VAV2: variants seen among roughly 807,000 people sequenced by gnomAD.
The protein encoded by VAV2 is vav guanine nucleotide exchange factor 2.
VAV2 carries 67 observed loss-of-function variants against 132.5 expected under a neutral mutation model. The observed-to-expected ratio is 0.51, with a 90% CI of 0.42 to 0.62. VAV2 has a LOEUF of 0.62. Ranked by LOEUF, VAV2 falls within the 20% of genes least tolerant of loss-of-function variation. VAV2 has a pLI of 0.00. For synonymous variants in VAV2, 492 were observed against 443.5 expected, an observed-to-expected ratio of 1.11 and a Z score of -1.37; for missense variants, 938 against 1,153.6, an observed-to-expected ratio of 0.81 and a Z score of 2.71.
chr9:133,907,222 T>A (rs561621389), intron 2 of VAV2, among the ~76,000 whole-genome samples: 1 of 152,144 alleles, frequency 6.6e-6, no homozygotes, highest in East Asian at 1.9e-4. Context: ...CTCAAATTCA[T>A]CCTCGCTCCC....
rs901029360 is a variant in VAV2, at chr9:133,919,992, A to G, written c.321+19111T>C. On this transcript the variant is annotated intron_variant, in intron 2 of 29. Coordinates refer to ENST00000371850, the MANE Select transcript of VAV2 (RefSeq NM_001134398.2). The surrounding 1 kb of genome is among the most constrained non-coding windows in gnomAD (Gnocchi z 5.8). ...CAGTCAGCACCTGTTCTCTGCGCTG[A>G]GCCACGTGCCAGGAGGCCAGACAGG... Among the ~76,000 whole-genome samples the G allele has an allele frequency of 2.0e-5, 3 of 152,156 alleles. No homozygotes were observed. The highest frequency in any genetic ancestry group is 6.5e-5 in the Admixed American group (1 of 15,284).
intron 3 of VAV2, among the ~76,000 whole-genome samples, chr9:133,835,692 C>A (rs1028911802): frequency 6.6e-6 from 1 of 152,166 alleles, no homozygotes; most frequent in Admixed American, 6.5e-5. Flanking sequence ...TTTGCTCAGC[C>A]CGAGATCCAG....
chr9:133,833,612 T>C lies in VAV2; in HGVS notation c.449+660A>G, dbSNP rs571202229. On this transcript the variant is annotated intron_variant, in intron 4 of 29. Coordinates refer to ENST00000371850, the MANE Select transcript of VAV2 (RefSeq NM_001134398.2). This position sits in a 1 kb window ranked among gnomAD's most constrained non-coding sequence, Gnocchi z 5.6. The stretch of plus-strand genomic sequence containing the variant: ...ACCTGCAGGTGAGGCCCCTTCCTCC[T>C]ACCCTCCTACCTCCCTCCTCCTGGA... Among the ~76,000 whole-genome samples the C allele has an allele frequency of 4.9e-4, 74 of 152,160 alleles. No individual in the cohort carries two copies. Among genetic ancestry groups the C allele is most frequent in the Non-Finnish European group, 8.8e-5 (6 of 67,956 alleles).
chr9:133,920,542 C>G (rs919649274), intron 2 of VAV2, among the ~76,000 whole-genome samples: 2 of 152,200 alleles, frequency 1.3e-5, no homozygotes, highest in African/African-American at 4.8e-5. Context: ...GCACTGAGGT[C>G]CCTGAGGCCA....
chr9:133,953,535 A>AC (rs1588163199), intron 1 of VAV2, among the ~76,000 whole-genome samples: 1 of 151,674 alleles, frequency 6.6e-6, no homozygotes, highest in African/African-American at 2.4e-5. Flanking sequence ...TGTGGTTTTG[A>AC]CCCCCAGGCT....
At chr9:133,954,656 G>C (rs1312838959) in intron 1 of VAV2, among the ~76,000 whole-genome samples, 1 of 152,218 alleles carries the variant, frequency 6.6e-6, no homozygotes, top group Non-Finnish European at 1.5e-5. Flanking sequence ...GCTCGAGCAG[G>C]GCAAGGTCTG....
intron 1 of VAV2, among the ~76,000 whole-genome samples, chr9:133,955,016 G>A (rs998690388): frequency 1.3e-5 from 2 of 152,004 alleles, no homozygotes; most frequent in African/African-American, 4.8e-5. Flanking sequence ...ACTGAGGTGA[G>A]GAAAAAGGAA....
chr9:133,961,065 C>T lies in VAV2; in HGVS notation c.205-21846G>A, dbSNP rs917399663. Among the ~76,000 whole-genome samples the T allele has an allele frequency of 6.6e-6, 1 of 152,242 alleles. No homozygotes were observed. The highest frequency in any genetic ancestry group is 1.5e-5 in the Non-Finnish European group (1 of 68,038). On this transcript the variant is annotated intron_variant, in intron 1 of 29. Transcript: ENST00000371850. This position sits in a 1 kb window ranked among gnomAD's most constrained non-coding sequence, Gnocchi z 4.1. The stretch of plus-strand genomic sequence containing the variant: ...GAGGGAGCAGGGGCCTCCACTGGCC[C>T]ACACCCGGCACACATCACGGGCGGC...
intron 8 of VAV2, among the ~76,000 whole-genome samples, 183 bp from the exon 9 acceptor site, chr9:133,806,364 G>A (rs148774850): frequency 1.6e-4 from 25 of 152,320 alleles, no homozygotes; most frequent in Admixed American, 5.9e-4. Context: ...GTTCTATGGC[G>A]ATGGTGCAAC....
chr9:133,797,663 C>A, intron 10 of VAV2, 47 bp downstream of exon 10: 2 of 1,565,782 alleles, frequency 1.3e-6, no homozygotes, highest in South Asian at 1.2e-5. Flanking sequence ...GGCCTGCAAG[C>A]TGCAACCTTG....
At chr9:133,780,107 T>A in intron 20 of VAV2, 168 bp from the exon 21 acceptor site, 1 of 840,950 alleles carries the variant, frequency 1.2e-6, no homozygotes, top group Non-Finnish European at 1.9e-6. Flanking sequence ...GCCCCCACCC[T>A]GGCAATATAT....
chr9:133,980,906 C>A (rs1292382461), intron 1 of VAV2, among the ~76,000 whole-genome samples: 5 of 150,242 alleles, frequency 3.3e-5, no homozygotes, highest in Admixed American at 6.6e-5. Context: ...TGTCTCCAAC[C>A]CTTAGCTACC....
intron 2 of VAV2, among the ~76,000 whole-genome samples, chr9:133,870,282 G>A (rs1160138891): frequency 1.3e-5 from 2 of 152,142 alleles, no homozygotes; most frequent in African/African-American, 4.8e-5. Flanking sequence ...AGAGGTGGGA[G>A]CCGCCCCCAG....
intron 1 of VAV2, among the ~76,000 whole-genome samples, chr9:133,990,478 G>T (rs1842981281): frequency 6.6e-6 from 1 of 152,122 alleles, no homozygotes; most frequent in South Asian, 2.1e-4. Flanking sequence ...CCCGGACCCA[G>T]CGAGTCCACC....
intron 23 of VAV2, 29 bp from the exon 24 acceptor site, chr9:133,776,109 G>A: frequency 6.2e-7 from 1 of 1,610,416 alleles, no homozygotes; most frequent in Non-Finnish European, 8.5e-7. Context: ...AGTGTTAACG[G>A]CCCCCCAGGG....
chr9:133,850,079 C>T (rs1247684342), intron 3 of VAV2, among the ~76,000 whole-genome samples: 2 of 152,216 alleles, frequency 1.3e-5, no homozygotes, highest in East Asian at 3.9e-4. Context: ...AGAACCACCT[C>T]TTGCGGCTGT....
At position 133,897,601 on chromosome 9, in the gene VAV2, C is replaced by A. The variant is rs374230680; in HGVS notation, c.322-36169G>T. 6.4e-4 allele frequency among the ~76,000 whole-genome samples: 97 copies of A among 152,240 alleles called. 1 individual carries two copies. The South Asian group carries it at 0.02, about 31-fold the overall frequency. Reference sequence around the variant, plus strand: ...AAGCCAGAGAGCTCTGCTGTCTCCCCACCTCCGCAGCAACACAGGCCCCCC... The same window carrying A: ...AAGCCAGAGAGCTCTGCTGTCTCCCAACCTCCGCAGCAACACAGGCCCCCC... On this transcript the variant is annotated intron_variant, in intron 2 of 29. Coordinates refer to ENST00000371850, the MANE Select transcript of VAV2 (RefSeq NM_001134398.2).
chr9:133,882,103 G>C (rs922009552), intron 2 of VAV2, among the ~76,000 whole-genome samples: 1 of 152,242 alleles, frequency 6.6e-6, no homozygotes, highest in African/African-American at 2.4e-5. Flanking sequence ...TAGCTGTGTG[G>C]CAGGCCCCAG....
chr9:133,922,809 T>A (rs750791571), intron 2 of VAV2, among the ~76,000 whole-genome samples: 2 of 152,184 alleles, frequency 1.3e-5, no homozygotes, highest in Non-Finnish European at 2.9e-5. Context: ...TTTATTGATA[T>A]AACCCCACAG....
Sources: allele counts gnomAD v4.1 joint callset (sites outside exome capture counted in the v4.1 genomes callset), GRCh38; gene constraint gnomAD v4.1.1; non-coding constraint Gnocchi (gnomAD v3.1); transcripts MANE v1.5; gene names NCBI Gene and HGNC (gene_info 2026-07-23, HGNC 2026-07-21).